Variants in ASTN2 observed in about 807,000 individuals in gnomAD.
ASTN2 encodes the protein astrotactin-2.
A neutral mutation model predicts 139.8 loss-of-function variants in ASTN2; 54 were observed. The ratio of observed to expected loss-of-function variants is 0.39; its 90% confidence interval spans 0.31 to 0.48. The LOEUF (loss-of-function observed/expected upper bound fraction) is 0.48, where lower values mean the gene tolerates loss of function less well. ASTN2 is among the 20% of genes least tolerant of loss of function. The pLI, the probability that ASTN2 is intolerant of heterozygous loss-of-function variation, is 0.95. For missense variants in ASTN2, 1,565 were observed against 1,725.1 expected (o/e 0.91, Z 1.64); for synonymous variants, 756 against 719.5 (o/e 1.05, Z -0.81).
intron 20 of ASTN2, among the ~76,000 whole-genome samples, chr9:116,448,728 AG>A (rs1260468420): frequency 6.6e-6 from 1 of 152,200 alleles, no homozygotes; most frequent in Non-Finnish European, 1.5e-5. Context: ...TGGGATTGTG[AG>A]AATGAAATCA....
In ASTN2 at chr9:116,487,352, A is replaced by G. The variant is rs1444480465; in HGVS notation, c.3497+7T>C. The G allele has an allele frequency of 3.7e-6, 6 of 1,613,592 alleles. No individual in the cohort carries two copies. In the Admixed American group the frequency reaches 8.3e-5, roughly 22 times the overall value. On this transcript the variant is annotated splice_region_variant and intron_variant, in intron 20 of 22. Transcript: ENST00000313400. ...CTCATGATCCCCACACACCCAACACATCTTACTTGTAGAGACCGTCGGGCT... is the reference window on the plus strand; with the variant it reads ...CTCATGATCCCCACACACCCAACACGTCTTACTTGTAGAGACCGTCGGGCT...
chr9:117,220,952 C>CA (rs1588098615), intron 2 of ASTN2, among the ~76,000 whole-genome samples: 1 of 152,160 alleles, frequency 6.6e-6, no homozygotes, highest in East Asian at 1.9e-4. Context: ...TGTTGTTATC[C>CA]AATCATCTGT....
intron 19 of ASTN2, among the ~76,000 whole-genome samples, chr9:116,515,388 C>T (rs1016031861): frequency 6.6e-6 from 1 of 152,130 alleles, no homozygotes; most frequent in Non-Finnish European, 1.5e-5. Flanking sequence ...ATGGTTTCCT[C>T]TCTCTCTTAT....
At chr9:116,605,603 G>A (rs909595508) in intron 19 of ASTN2, among the ~76,000 whole-genome samples, 2 of 151,932 alleles carry the variant, frequency 1.3e-5, no homozygotes, top group African/African-American at 4.8e-5. Flanking sequence ...CAATGCTTAA[G>A]GTTCTTCTAC....
chr9:116,592,145 A>G (rs1854403424), intron 19 of ASTN2, among the ~76,000 whole-genome samples: 1 of 152,174 alleles, frequency 6.6e-6, no homozygotes, highest in East Asian at 1.9e-4. Context: ...GTCTACAATC[A>G]CTTCATTCAT....
chr9:116,450,145 C>A (rs1848131044), intron 20 of ASTN2, among the ~76,000 whole-genome samples: 1 of 152,214 alleles, frequency 6.6e-6, no homozygotes, highest in Non-Finnish European at 1.5e-5. Context: ...CAGTCCAAAT[C>A]TGGCCCACTG....
intron 7 of ASTN2, among the ~76,000 whole-genome samples, chr9:116,997,099 T>G (rs1338472513): frequency 6.6e-6 from 1 of 152,158 alleles, no homozygotes; most frequent in East Asian, 1.9e-4. Context: ...CCTTTTTTCT[T>G]TCAAGTTCAG....
intron 10 of ASTN2, among the ~76,000 whole-genome samples, chr9:116,925,104 C>T (rs939109060): frequency 6.6e-6 from 1 of 152,122 alleles, no homozygotes; most frequent in Non-Finnish European, 1.5e-5. Flanking sequence ...ATCTAAGTCT[C>T]ATATACCCAT....
intron 20 of ASTN2, among the ~76,000 whole-genome samples, chr9:116,477,600 G>A (rs924121182): frequency 2.6e-5 from 4 of 151,620 alleles, no homozygotes; most frequent in Admixed American, 2.6e-4. Flanking sequence ...AAATGCACAG[G>A]AGGATAAAAG....
intron 19 of ASTN2, among the ~76,000 whole-genome samples, chr9:116,556,330 T>C (rs1427417297): frequency 6.6e-6 from 1 of 152,142 alleles, no homozygotes; most frequent in Non-Finnish European, 1.5e-5. Context: ...TTTTAAGCTG[T>C]AGGGCTCTTT....
At chr9:116,662,819 C>T (rs1858638509) in intron 16 of ASTN2, among the ~76,000 whole-genome samples, 1 of 152,114 alleles carries the variant, frequency 6.6e-6, no homozygotes, top group South Asian at 2.1e-4. Flanking sequence ...TCATGGAATC[C>T]TCACAACAGT....
intron 11 of ASTN2, among the ~76,000 whole-genome samples, chr9:116,831,774 C>A (rs1831821364): frequency 6.6e-6 from 1 of 152,062 alleles, no homozygotes; most frequent in Admixed American, 6.6e-5. Flanking sequence ...CGTTTAAATT[C>A]CAGAAAAATC....
At chr9:117,129,218 C>A (rs1829773216) in intron 4 of ASTN2, among the ~76,000 whole-genome samples, 1 of 152,158 alleles carries the variant, frequency 6.6e-6, no homozygotes, top group African/African-American at 2.4e-5. Flanking sequence ...TTGACAGTGA[C>A]CATTTTTCTA....
intron 11 of ASTN2, among the ~76,000 whole-genome samples, chr9:116,840,770 T>C: frequency 6.9e-6 from 1 of 145,518 alleles, no homozygotes; most frequent in South Asian, 2.3e-4. Context: ...TCCCCACATC[T>C]CAGACGATGG....
intron 6 of ASTN2, among the ~76,000 whole-genome samples, chr9:117,016,615 T>TATGTTA (rs1564385722): frequency 5.0e-4 from 2 of 3,998 alleles, no homozygotes; most frequent in African/African-American, 1.3e-3. Context: ...TATATCTATA[T>TATGTTA]CTATCTATCT....
intron 5 of ASTN2, among the ~76,000 whole-genome samples, chr9:117,044,332 G>A (rs1242890555): frequency 2.6e-5 from 4 of 152,198 alleles, no homozygotes; most frequent in Non-Finnish European, 5.9e-5. Context: ...TTTACTCGGC[G>A]AATGCCTGAA....
intron 2 of ASTN2, among the ~76,000 whole-genome samples, chr9:117,221,921 A>C (rs1480409906): frequency 6.6e-6 from 1 of 152,176 alleles, no homozygotes; most frequent in Non-Finnish European, 1.5e-5. Flanking sequence ...ACCATCCTAA[A>C]ATAGTTCTGG....
intron 1 of ASTN2, among the ~76,000 whole-genome samples, chr9:117,413,970 C>T (rs1831248150): frequency 6.6e-6 from 1 of 152,190 alleles, no homozygotes; most frequent in Non-Finnish European, 1.5e-5. Flanking sequence ...TCAGCCCATG[C>T]GGAAGCCACG....
intron 2 of ASTN2, among the ~76,000 whole-genome samples, chr9:117,270,487 G>T (rs1159699597): frequency 1.3e-5 from 2 of 152,122 alleles, no homozygotes; most frequent in Non-Finnish European, 2.9e-5. Context: ...AATGGCCCTT[G>T]TGCCTCTAAC....
Sources: gnomAD v4.1 joint callset for allele counts (sites outside exome capture counted in the v4.1 genomes callset) on GRCh38, gnomAD v4.1.1 for gene constraint, MANE v1.5 for transcripts, NCBI Gene and HGNC (gene_info 2026-07-23, HGNC 2026-07-21) for gene names.